DIRAS2: variants seen among roughly 807,000 people sequenced by gnomAD.
DIRAS2 encodes the protein DIRAS family GTPase 2.
In DIRAS2, 5 loss-of-function variants were observed where a neutral mutation model predicts 13.9. The ratio of observed to expected loss-of-function variants is 0.36; its 90% CI spans 0.19 to 0.76. DIRAS2 has a LOEUF of 0.76. DIRAS2 is among the 30% of genes least tolerant of loss of function. DIRAS2 has a pLI of 0.53. For missense variants in DIRAS2, 191 were observed against 263.0 expected (o/e 0.73, Z 1.89); for synonymous variants, 111 against 105.4 (o/e 1.05, Z -0.33).
rs1312997048 is a variant in DIRAS2 at position 90,610,549 on chromosome 9, C to A, written c.*2679G>T. 1 of 397,230 alleles carries A rather than the reference C, an allele frequency of 2.5e-6. No homozygotes were observed. The highest frequency in any genetic ancestry group is 4.4e-6 in the Non-Finnish European group (1 of 225,326). 24.6% of individuals were successfully genotyped at this position (397,230 alleles called of 1,614,324 possible). On this transcript the variant is annotated 3_prime_UTR_variant, in exon 2 of 2. Transcript: ENST00000375765. ...TAACTTATTCTGCCTGGGTCAAAAA[C>A]TGCTATGCCCATATGCAATGTAGGA...
intron 1 of DIRAS2, among the ~76,000 whole-genome samples, chr9:90,634,371 A>G (rs73505463): frequency 0.021 from 3,225 of 152,304 alleles, 105 homozygotes; most frequent in African/African-American, 0.073. Flanking sequence ...CGTCTGCTCC[A>G]TGGTGACCGG....
chr9:90,613,694 C>T lies in DIRAS2; in HGVS notation c.134G>A (p.Arg45Gln). 6.2e-7 allele frequency: 1 copy of T among 1,614,020 alleles called. No individual in the cohort carries two copies. The highest frequency in any genetic ancestry group is 8.5e-7 in the Non-Finnish European group (1 of 1,180,014). Residue 45 changes from arginine (R) to glutamine (Q), a missense_variant, in exon 2 of 2, where the codon CGG (arginine) becomes CAG (glutamine). Transcript: ENST00000375765. This position sits in a 1 kb window ranked among gnomAD's most constrained non-coding sequence, Gnocchi z 5.6. ...GCTCTTGTCACAGCTGATCACTTGC[C>T]GGTAGGTGTCTTCCACCGTCGGGAT... ...SYIPTVEDTYRQVISCDKSIC... is the reference protein window; with the variant it reads ...SYIPTVEDTYQQVISCDKSIC...
At position 90,613,591 on chromosome 9, in the gene DIRAS2, C is replaced by A. The variant is rs913147637; in HGVS notation, c.237G>T (p.Gly79=). The stretch of plus-strand genomic sequence containing the variant: ...TGGAGTACACCAGGATGAAGGCGTG[C>A]CCTTTGGAGATGGACAGCCGCTGCA... The part of the protein sequence containing the change: ...PAMQRLSISK[G]HAFILVYSIT... Residue 79 remains glycine, a synonymous_variant, in exon 2 of 2, where the codon GGG becomes GGT. Coordinates refer to ENST00000375765, the MANE Select transcript of DIRAS2 (RefSeq NM_017594.5). This position sits in a 1 kb window ranked among gnomAD's most constrained non-coding sequence, Gnocchi z 5.6. The A allele has an allele frequency of 3.1e-6, 5 of 1,614,034 alleles. No individual in the cohort carries two copies. In the African/African-American group the frequency reaches 6.7e-5, roughly 22 times the overall value.
chr9:90,624,863 C>T (rs690425), intron 1 of DIRAS2, among the ~76,000 whole-genome samples: 33,980 of 151,878 alleles, frequency 0.22, 3,973 homozygotes, highest in East Asian at 0.42. Context: ...TACAGGCGGG[C>T]GCCACCACCT....
chr9:90,614,128 G>A (rs1825143301), intron 1 of DIRAS2, among the ~76,000 whole-genome samples: 1 of 152,110 alleles, frequency 6.6e-6, no homozygotes, highest in South Asian at 2.1e-4. Context: ...CTAAGCCCAG[G>A]TAAAAGATGC....
intron 1 of DIRAS2, among the ~76,000 whole-genome samples, chr9:90,636,027 C>CTTTT (rs1172661795): frequency 0.05 from 3,316 of 66,258 alleles, 696 homozygotes; most frequent in East Asian, 0.16. Context: ...ACTGAATATT[C>CTTTT]TTTTTTTTTT....
intron 1 of DIRAS2, among the ~76,000 whole-genome samples, chr9:90,630,285 G>C (rs952963266): frequency 6.6e-6 from 1 of 152,138 alleles, no homozygotes; most frequent in Admixed American, 6.5e-5. Flanking sequence ...TTGTAGCAGC[G>C]AAGAGAATTC....
chr9:90,622,376 G>C (rs1338424750), intron 1 of DIRAS2, among the ~76,000 whole-genome samples: 1 of 152,134 alleles, frequency 6.6e-6, no homozygotes, highest in African/African-American at 2.4e-5. Flanking sequence ...GACCCACTGA[G>C]AGAAGGATAA....
At chr9:90,625,882 A>C (rs896213095) in intron 1 of DIRAS2, 1 of 152,144 alleles carries the variant, frequency 6.6e-6, no homozygotes, top group Admixed American at 6.5e-5. Context: ...TTACCAAGAA[A>C]ATTAAAAGAG....
intron 1 of DIRAS2, among the ~76,000 whole-genome samples, chr9:90,614,822 T>C (rs1418984191): frequency 6.6e-6 from 1 of 152,186 alleles, no homozygotes; most frequent in African/African-American, 2.4e-5. Flanking sequence ...ATGAGGAGAA[T>C]GCAGCAACTC....
chr9:90,635,350 G>A (rs748563447), intron 1 of DIRAS2, among the ~76,000 whole-genome samples: 1 of 152,186 alleles, frequency 6.6e-6, no homozygotes, highest in Non-Finnish European at 1.5e-5. Context: ...ACTGAACAAG[G>A]AGCGCTGGAT....
At position 90,641,188 on chromosome 9, in the gene DIRAS2, A is replaced by G. The variant is rs185326418; in HGVS notation, c.-37+1564T>C. ...CTGGGTTGTTAGACACAAGCTGAAA[A>G]GTGACTTCCACAACTTGGCATTCAA... On this transcript the variant is annotated intron_variant, in intron 1 of 1. Transcript: ENST00000375765. Among the ~76,000 whole-genome samples, 30 of 152,348 alleles carry G rather than the reference A, an allele frequency of 2.0e-4. 1 individual carries two copies. The highest frequency in any genetic ancestry group is 6.8e-3 in the Middle Eastern group (2 of 294).
At position 90,636,027 on chromosome 9, in the gene DIRAS2, C is replaced by CTTTTTT. The variant is rs1172661795; in HGVS notation, c.-37+6719_-37+6724dup. Among the ~76,000 whole-genome samples the CTTTTTT allele has an allele frequency of 7.9e-3, 521 of 66,268 alleles. 84 individuals carry two copies. Among genetic ancestry groups the CTTTTTT allele is most frequent in the East Asian group, 0.019 (34 of 1,744 alleles). 43.5% of individuals were successfully genotyped at this position (66,268 alleles called of 152,430 possible). ...AGGATAGAGAATACAACTGAATATT[C>CTTTTTT]TTTTTTTTTTTTTTTTTTTTTTTTT... On this transcript the variant is annotated intron_variant, in intron 1 of 1. Coordinates refer to ENST00000375765, the MANE Select transcript of DIRAS2 (RefSeq NM_017594.5).
At chr9:90,629,591 G>A (rs1477833375) in intron 1 of DIRAS2, among the ~76,000 whole-genome samples, 1 of 151,958 alleles carries the variant, frequency 6.6e-6, no homozygotes, top group Non-Finnish European at 1.5e-5. Flanking sequence ...GTATCTGCGA[G>A]GGATCGTTTC....
intron 1 of DIRAS2, among the ~76,000 whole-genome samples, chr9:90,631,945 C>A (rs1239657516): frequency 2.0e-5 from 3 of 152,180 alleles, no homozygotes; most frequent in African/African-American, 7.2e-5. Context: ...ACCTTGAAGT[C>A]CTCCTTACCT....
chr9:90,633,923 G>T (rs1157392560), intron 1 of DIRAS2, among the ~76,000 whole-genome samples: 10 of 152,250 alleles, frequency 6.6e-5, no homozygotes, highest in African/African-American at 1.2e-4. Flanking sequence ...TCAAAGGAAA[G>T]ATTTGAATTG....
chr9:90,625,754 T>C (rs917861510), intron 1 of DIRAS2: 2 of 152,184 alleles, frequency 1.3e-5, no homozygotes, highest in African/African-American at 4.8e-5. Context: ...GAAGTATGAG[T>C]CTTCAACTTT....
Position 90,613,374 on chromosome 9 carries a change from C to T in DIRAS2, c.454G>A (p.Ala152Thr). ...TWKCAFMETS[A>T]KLNHNVKELF... is the part of the protein sequence containing the mutation. ...TCCTTCACGTTATGGTTGAGCTTGG[C>T]TGAGGTCTCCATGAAGGCACACTTC... The change falls in exon 2 of 2, where the codon GCC (alanine) becomes ACC (threonine). Residue 152 changes from alanine (A) to threonine (T), a missense_variant. Physicochemically the swap from Ala to Thr is moderately conservative, Grantham distance 58 (BLOSUM62 0). Transcript: ENST00000375765. The surrounding 1 kb of genome is among the most constrained non-coding windows in gnomAD (Gnocchi z 5.6). The T allele has an allele frequency of 6.2e-7, 1 of 1,614,148 alleles. No individual in the cohort carries two copies. The highest frequency in any genetic ancestry group is 8.5e-7 in the Non-Finnish European group (1 of 1,180,034).
chr9:90,632,933 C>T (rs918496030), intron 1 of DIRAS2, among the ~76,000 whole-genome samples: 1 of 152,220 alleles, frequency 6.6e-6, no homozygotes, highest in Non-Finnish European at 1.5e-5. Context: ...ACTGACAGGG[C>T]AGTGCTGCTA....
Sources: allele counts gnomAD v4.1 joint callset (sites outside exome capture counted in the v4.1 genomes callset), GRCh38; gene constraint gnomAD v4.1.1; non-coding constraint Gnocchi (gnomAD v3.1); transcripts MANE v1.5; gene names NCBI Gene and HGNC (gene_info 2026-07-23, HGNC 2026-07-21).